Variants in ASRGL1 observed in about 807,000 individuals in gnomAD.
The protein encoded by ASRGL1 is isoaspartyl peptidase/L-asparaginase.
ASRGL1 carries 16 observed loss-of-function variants against 22.4 expected under a neutral mutation model. That is an observed-to-expected ratio of 0.71 (90% CI 0.48 to 1.08). The LOEUF (loss-of-function observed/expected upper bound fraction) is 1.08. Among genes scored for constraint, ASRGL1 ranks in the 50% least tolerant of loss-of-function variants. ASRGL1 has a pLI of 0.00. For missense variants in ASRGL1, 412 were observed against 410.1 expected (o/e 1.00, Z -0.04); for synonymous variants, 165 against 159.3 (o/e 1.04, Z -0.27).
intron 4 of ASRGL1, among the ~76,000 whole-genome samples, chr11:62,359,746 C>T (rs544150212): frequency 6.6e-6 from 1 of 152,124 alleles, no homozygotes; most frequent in Non-Finnish European, 1.5e-5. Flanking sequence ...TAGTTGCTAA[C>T]TCTCCGTGTT....
chr11:62,342,694 G>A (rs2134569386), intron 2 of ASRGL1, among the ~76,000 whole-genome samples: 1 of 151,990 alleles, frequency 6.6e-6, no homozygotes, highest in African/African-American at 2.4e-5. Flanking sequence ...GAAGGGGGAG[G>A]TTGCAGTGGC....
chr11:62,386,788 C>T (rs1292612232), intron 4 of ASRGL1, among the ~76,000 whole-genome samples: 1 of 152,194 alleles, frequency 6.6e-6, no homozygotes, highest in Non-Finnish European at 1.5e-5. Context: ...TTGACACTAA[C>T]AGCAGTACTG....
At chr11:62,396,665 A>G (rs542399260), downstream of ASRGL1, among the ~76,000 whole-genome samples, 45 of 152,328 alleles carry the variant, frequency 3.0e-4, 1 homozygote, top group African/African-American at 1.1e-3. Flanking sequence ...CTAGCTTTCA[A>G]AATTCTGGGA....
At chr11:62,341,766 A>G (rs913521181) in intron 2 of ASRGL1, among the ~76,000 whole-genome samples, 1 of 152,184 alleles carries the variant, frequency 6.6e-6, no homozygotes, top group Admixed American at 6.5e-5. Flanking sequence ...ACATATAGTC[A>G]TGTAACTGCC....
chr11:62,392,206 G>T lies in ASRGL1; in HGVS notation c.849G>T (p.Met283Ile). 1 of 1,614,200 alleles carries T rather than the reference G, an allele frequency of 6.2e-7. No individual in the cohort carries two copies. The highest frequency in any genetic ancestry group is 1.1e-5 in the South Asian group (1 of 91,084). Residue 283 changes from methionine (M) to isoleucine (I), a missense_variant, in exon 7 of 7, where the codon ATG becomes ATT. Physicochemically the swap from Met to Ile is conservative, Grantham distance 10. Coordinates refer to ENST00000415229, the MANE Select transcript of ASRGL1 (RefSeq NM_001083926.2). ...TGGCAAAGTGGACCTCCACCTCCATGCCCTGGGCAGCCGCCAAGGACGGCA... is the reference window on the plus strand; with the variant it reads ...TGGCAAAGTGGACCTCCACCTCCATTCCCTGGGCAGCCGCCAAGGACGGCA... ...DWVAKWTSTS[M>I]PWAAAKDGKL...
At chr11:62,367,868 C>T (rs11231056) in intron 4 of ASRGL1, among the ~76,000 whole-genome samples, 4,314 of 150,442 alleles carry the variant, frequency 0.029, 225 homozygotes, top group African/African-American at 0.1. Context: ...CTTGAACCCA[C>T]GAGGCAGAGG....
intron 4 of ASRGL1, among the ~76,000 whole-genome samples, chr11:62,386,479 T>C (rs911886540): frequency 6.7e-6 from 1 of 149,320 alleles, no homozygotes; most frequent in Non-Finnish European, 1.5e-5. Context: ...CATAGATATG[T>C]ACATATATAT....
chr11:62,388,377 G>A (rs1022614667), intron 4 of ASRGL1, among the ~76,000 whole-genome samples: 2 of 152,130 alleles, frequency 1.3e-5, no homozygotes, highest in Non-Finnish European at 1.5e-5. Context: ...TGTCAGAAAC[G>A]CAGGATCAGC....
At chr11:62,360,725 GTCAGATGAAA>G (rs1946412893) in intron 4 of ASRGL1, among the ~76,000 whole-genome samples, 1 of 152,158 alleles carries the variant, frequency 6.6e-6, no homozygotes, top group South Asian at 2.1e-4. Flanking sequence ...GTTTGAACAA[GTCAGATGAAA>G]TCATGGCAAC....
At chr11:62,364,420 GATAAA>G (rs142164945) in intron 4 of ASRGL1, among the ~76,000 whole-genome samples, 4,990 of 152,002 alleles carry the variant, frequency 0.033, 119 homozygotes, top group Non-Finnish European at 0.048. Flanking sequence ...TATTTTTCTA[GATAAA>G]ATAGTATGGA....
At chr11:62,361,740 C>T (rs1565161361) in intron 4 of ASRGL1, among the ~76,000 whole-genome samples, 2 of 152,004 alleles carry the variant, frequency 1.3e-5, no homozygotes, top group Non-Finnish European at 2.9e-5. Context: ...CCTGCCTCAG[C>T]CCCCTAAAGT....
intron 2 of ASRGL1, among the ~76,000 whole-genome samples, chr11:62,349,902 G>C (rs1051107596): frequency 7.2e-5 from 11 of 152,114 alleles, no homozygotes; most frequent in Non-Finnish European, 1.0e-4. Flanking sequence ...CGTTGTCATG[G>C]CGTTTGTAAG....
chr11:62,369,597 G>T (rs1406339274), intron 4 of ASRGL1, among the ~76,000 whole-genome samples: 2 of 152,124 alleles, frequency 1.3e-5, no homozygotes, highest in Non-Finnish European at 2.9e-5. Context: ...TACAATAATA[G>T]TACTTCCGAT....
intron 4 of ASRGL1, among the ~76,000 whole-genome samples, chr11:62,386,377 GTTATAA>G (rs1450735751): frequency 1.4e-5 from 1 of 70,668 alleles, no homozygotes; most frequent in Non-Finnish European, 4.3e-5. Flanking sequence ...ATAGTATATT[GTTATAA>G]TTGTATTATT....
intron 2 of ASRGL1, among the ~76,000 whole-genome samples, chr11:62,355,651 CT>C (rs1946269377): frequency 8.2e-6 from 1 of 121,640 alleles, no homozygotes; most frequent in Non-Finnish European, 1.7e-5. Context: ...ATTGATCATT[CT>C]TGGGTGTTTC....
chr11:62,365,261 G>A (rs1330891094), intron 4 of ASRGL1, among the ~76,000 whole-genome samples: 2 of 151,804 alleles, frequency 1.3e-5, no homozygotes, highest in African/African-American at 4.8e-5. Context: ...TTGCTAAGAG[G>A]AGATTTTAGA....
intron 4 of ASRGL1, chr11:62,373,222 AT>A: frequency 2.3e-6 from 2 of 872,394 alleles, no homozygotes; most frequent in Non-Finnish European, 3.9e-6. Context: ...GGCAGCTGTC[AT>A]TTCCATGTGC....
rs925489445 is a variant in ASRGL1 at position 62,367,452 on chromosome 11, T to C, written c.491+10308T>C. ...CTTGAGGTCAGGAGTTTGAGACCAG[T>C]TGACCAACATGGTGAAACCCTGTCT... is the stretch of plus-strand genomic sequence containing the variant. On this transcript the variant is annotated intron_variant, in intron 4 of 6. Transcript: ENST00000415229. Among the ~76,000 whole-genome samples the C allele has an allele frequency of 8.0e-5, 12 of 149,342 alleles. 1 individual carries two copies. The highest frequency in any genetic ancestry group is 3.0e-4 in the African/African-American group (12 of 40,456).
intron 4 of ASRGL1, among the ~76,000 whole-genome samples, chr11:62,386,315 C>T (rs932064576): frequency 1.1e-4 from 16 of 152,146 alleles, no homozygotes; most frequent in African/African-American, 3.9e-4. Context: ...TACCCACACT[C>T]AACTGCGGTC....
Sources: allele counts gnomAD v4.1 joint callset (sites outside exome capture counted in the v4.1 genomes callset), GRCh38; gene constraint gnomAD v4.1.1; transcripts MANE v1.5; gene names NCBI Gene and HGNC (gene_info 2026-07-23, HGNC 2026-07-21).